Variants in CUX1 observed in about 807,000 individuals in gnomAD.
The protein encoded by CUX1 is cut like homeobox 1.
Under a neutral mutation model 158.8 loss-of-function variants are expected in CUX1, and 31 were observed. The observed-to-expected ratio is 0.20, with a 90% CI of 0.15 to 0.26. The LOEUF is 0.26. Ranked by LOEUF, CUX1 falls within the 10% of genes least tolerant of loss-of-function variation. The pLI, the probability that CUX1 is intolerant of heterozygous loss-of-function variation, is 1.00. For synonymous variants in CUX1, 879 were observed against 862.1 expected (o/e 1.02, Z -0.34); for missense variants, 1,589 against 2,014.6 (o/e 0.79, Z 4.04).
chr7:102,240,271 T>C (rs936786801), intron 23 of CUX1, among the ~76,000 whole-genome samples: 1 of 152,178 alleles, frequency 6.6e-6, no homozygotes, highest in African/African-American at 2.4e-5. Flanking sequence ...GTTATATTCA[T>C]ATTTATTTAT....
At chr7:101,977,233 C>G (rs142197315) in intron 2 of CUX1, among the ~76,000 whole-genome samples, 1 of 152,034 alleles carries the variant, frequency 6.6e-6, no homozygotes, top group Non-Finnish European at 1.5e-5. Context: ...TTTCCATTTC[C>G]GCTTTTATCT....
chr7:102,145,810 G>A (rs1834968898), intron 8 of CUX1, among the ~76,000 whole-genome samples: 1 of 152,128 alleles, frequency 6.6e-6, no homozygotes, highest in Non-Finnish European at 1.5e-5. Context: ...AGCTGGGCAT[G>A]GTGGCAGGCT....
At chr7:101,956,137 TC>T (rs1809753527) in intron 2 of CUX1, among the ~76,000 whole-genome samples, 1 of 15,864 alleles carries the variant, frequency 6.3e-5, no homozygotes, top group African/African-American at 1.4e-4. Context: ...AGCCCACGTC[TC>T]AAAAAAAAAA....
intron 8 of CUX1, chr7:102,154,149 T>G (rs1331221648): frequency 6.6e-6 from 1 of 150,956 alleles, no homozygotes; most frequent in African/African-American, 2.4e-5. Flanking sequence ...AAACAAAATG[T>G]TTTTAAGTAA....
intron 21 of CUX1, among the ~76,000 whole-genome samples, chr7:102,230,780 C>G (rs1001464988): frequency 2.0e-5 from 3 of 152,134 alleles, no homozygotes; most frequent in African/African-American, 7.2e-5. Flanking sequence ...GAGTCATCTC[C>G]CACTTCATAG....
chr7:102,262,429 T>TGGATGGATGGATGGATGG (rs1554544083), downstream of CUX1, among the ~76,000 whole-genome samples: 1 of 124,856 alleles, frequency 8.0e-6, no homozygotes, highest in Non-Finnish European at 1.8e-5. Flanking sequence ...GATGGATGGA[T>TGGATGGATGGATGGATGG]AACTCACAGG....
intron 3 of CUX1, among the ~76,000 whole-genome samples, chr7:102,043,592 T>C (rs1822381580): frequency 6.6e-6 from 1 of 152,102 alleles, no homozygotes; most frequent in Non-Finnish European, 1.5e-5. Context: ...GGGATGACCG[T>C]GTGTATAGAA....
chr7:102,249,975 C>T lies in CUX1; in HGVS notation c.*933C>T. Reference sequence around the variant, plus strand: ...ACATGTAGTGCACATTGATGTATAGCTTTAACTGACCCTGGGTTTTGCAGA... The same window carrying T: ...ACATGTAGTGCACATTGATGTATAGTTTTAACTGACCCTGGGTTTTGCAGA... On this transcript the variant is annotated 3_prime_UTR_variant, in exon 24 of 24. Coordinates refer to ENST00000292535, the MANE Select transcript of CUX1 (RefSeq NM_181552.4). 2.0e-6 allele frequency: 2 copies of T among 984,416 alleles called. No individual in the cohort carries two copies. Among genetic ancestry groups the T allele is most frequent in the Non-Finnish European group, 2.4e-6 (2 of 829,788 alleles). The allele number at this position is 984,416 out of a possible 1,614,324, so 61.0% of individuals were successfully genotyped here. A position where few individuals can be genotyped will look rare whatever the true frequency, so the allele number is the denominator to read the frequency against.
At position 101,887,381 on chromosome 7, in the gene CUX1, A is replaced by C. The variant is rs59022910; in HGVS notation, c.31-28734A>C. On this transcript the variant is annotated intron_variant, in intron 1 of 23. Coordinates refer to ENST00000292535, the MANE Select transcript of CUX1 (RefSeq NM_181552.4). ...CAGTGCAGTGGTGTGATTATAGTTC[A>C]CTGAAGTCTTGATCTCCTGGGCTCA... Among the ~76,000 whole-genome samples the C allele has an allele frequency of 6.6e-5, 10 of 151,828 alleles. No individual in the cohort carries two copies. The East Asian group carries it at 1.9e-3, about 29-fold the overall frequency.
At chr7:101,937,405 G>A (rs1333536522) in intron 2 of CUX1, among the ~76,000 whole-genome samples, 1 of 152,232 alleles carries the variant, frequency 6.6e-6, no homozygotes, top group Non-Finnish European at 1.5e-5. Flanking sequence ...CCAAGCTTTG[G>A]CATAGGCCAG....
intron 8 of CUX1, among the ~76,000 whole-genome samples, chr7:102,148,279 C>T (rs1485187608): frequency 6.6e-6 from 1 of 152,154 alleles, no homozygotes; most frequent in Non-Finnish European, 1.5e-5. Context: ...TGGCTCACAC[C>T]TGTGATCCTA....
chr7:102,087,714 T>C (rs149676284), intron 4 of CUX1, among the ~76,000 whole-genome samples: 1 of 152,372 alleles, frequency 6.6e-6, no homozygotes, highest in East Asian at 1.9e-4. Context: ...GCATTTTTAC[T>C]GATTTTACTT....
intron 21 of CUX1, among the ~76,000 whole-genome samples, 170 bp from the exon 22 acceptor site, chr7:102,233,882 G>C (rs548863655): frequency 6.6e-6 from 1 of 152,300 alleles, no homozygotes; most frequent in South Asian, 2.1e-4. Flanking sequence ...AGTATTATAA[G>C]TCTGGTTGAA....
intron 11 of CUX1, among the ~76,000 whole-genome samples, chr7:102,188,312 A>T (rs1554515877): frequency 6.6e-6 from 1 of 152,180 alleles, no homozygotes; most frequent in Admixed American, 6.5e-5. Flanking sequence ...AACATGCTGA[A>T]TGGCCAGAAC....
chr7:102,123,916 G>A (rs540764425), intron 8 of CUX1, among the ~76,000 whole-genome samples: 6 of 151,958 alleles, frequency 3.9e-5, no homozygotes, highest in Admixed American at 6.6e-5. Flanking sequence ...CACTCATCTC[G>A]GCCTCCCAAA....
chr7:101,829,545 G>A (rs1248804623), intron 1 of CUX1, among the ~76,000 whole-genome samples: 2 of 152,028 alleles, frequency 1.3e-5, no homozygotes, highest in African/African-American at 4.8e-5. Flanking sequence ...CCCGACCTGC[G>A]CTGTTCCCTA....
intron 6 of CUX1, among the ~76,000 whole-genome samples, chr7:102,106,775 C>G (rs1554488599): frequency 6.6e-6 from 1 of 152,196 alleles, no homozygotes; most frequent in Non-Finnish European, 1.5e-5. Flanking sequence ...ACGCTGCCAC[C>G]TCCATAAAGC....
At chr7:102,049,877 G>A (rs1432564560) in intron 3 of CUX1, among the ~76,000 whole-genome samples, 1 of 152,064 alleles carries the variant, frequency 6.6e-6, no homozygotes, top group Non-Finnish European at 1.5e-5. Flanking sequence ...GTGGGACCAG[G>A]CATCCCCACA....
At chr7:101,931,358 C>T (rs1265955701) in intron 2 of CUX1, among the ~76,000 whole-genome samples, 1 of 152,186 alleles carries the variant, frequency 6.6e-6, no homozygotes, top group Non-Finnish European at 1.5e-5. Flanking sequence ...TTCAGGGACA[C>T]AGCCGTCGTA....
Sources: allele counts gnomAD v4.1 joint callset (sites outside exome capture counted in the v4.1 genomes callset), GRCh38; gene constraint gnomAD v4.1.1; transcripts MANE v1.5; gene names NCBI Gene and HGNC (gene_info 2026-07-23, HGNC 2026-07-21).